Variants in PTPRT observed in about 807,000 individuals in gnomAD.
PTPRT encodes the protein protein tyrosine phosphatase receptor type T, also known as receptor-type tyrosine-protein phosphatase T.
PTPRT carries 56 observed loss-of-function variants against 176.8 expected under a neutral mutation model. The observed-to-expected ratio is 0.32, with a 90% CI of 0.26 to 0.40. The LOEUF (loss-of-function observed/expected upper bound fraction) is 0.40, where lower values mean the gene tolerates loss of function less well. PTPRT is among the 10% of genes least tolerant of loss of function. The pLI is 1.00. For missense variants in PTPRT, 1,540 were observed against 1,908.2 expected (o/e 0.81, Z 3.60); for synonymous variants, 783 against 739.0 (o/e 1.06, Z -0.96).
rs1983851691 is a variant in PTPRT at position 42,085,927 on chromosome 20, GCTTTT to G, written c.3847-79_3847-75del. 7 of 1,439,764 alleles carry G rather than the reference GCTTTT, an allele frequency of 4.9e-6. No homozygotes were observed. The Middle Eastern group carries it at 5.6e-4, about 115-fold the overall frequency. The allele number at this position is 1,439,764 out of a possible 1,614,324, so 89.2% of individuals were successfully genotyped here. On this transcript the variant is annotated intron_variant, in intron 27 of 30. Transcript: ENST00000373187. ...GTATCAAAGTCTCATTTATCAACAA[GCTTTT>G]CTTTTCTTTTTTTCTTTTTCTTTTT...
chr20:42,492,111 C>T (rs2071570442), intron 7 of PTPRT, among the ~76,000 whole-genome samples: 1 of 152,074 alleles, frequency 6.6e-6, no homozygotes, highest in Non-Finnish European at 1.5e-5. Context: ...TAGGTAGTTT[C>T]CAGTTTGGGG....
intron 2 of PTPRT, among the ~76,000 whole-genome samples, chr20:42,792,401 C>T (rs540981050): frequency 6.6e-6 from 1 of 152,288 alleles, no homozygotes; most frequent in African/African-American, 2.4e-5. Context: ...GGGTAAATTT[C>T]AGTTCAGTGT....
chr20:42,279,065 T>C (rs2057096626), intron 13 of PTPRT, among the ~76,000 whole-genome samples: 1 of 152,164 alleles, frequency 6.6e-6, no homozygotes. Flanking sequence ...GGCTTTCTAT[T>C]GTCTTCCTTT....
chr20:42,526,664 A>G (rs1173356544), intron 7 of PTPRT, among the ~76,000 whole-genome samples: 1 of 151,986 alleles, frequency 6.6e-6, no homozygotes, highest in African/African-American at 2.4e-5. Context: ...CCATGATTGT[A>G]TTATAAGTTT....
At chr20:42,762,894 C>T (rs1175154077) in intron 5 of PTPRT, among the ~76,000 whole-genome samples, 18 of 152,182 alleles carry the variant, frequency 1.2e-4, no homozygotes, top group Admixed American at 1.2e-3. Flanking sequence ...AACTGCTTGC[C>T]TTGCTCTTTA....
intron 6 of PTPRT, among the ~76,000 whole-genome samples, chr20:42,697,639 A>G (rs3091742): frequency 0.024 from 3,715 of 152,318 alleles, 180 homozygotes; most frequent in African/African-American, 0.086. Flanking sequence ...TCACTTAATA[A>G]TAAAGCTCGT....
chr20:42,391,666 A>G (rs373118356), intron 9 of PTPRT, among the ~76,000 whole-genome samples: 7 of 152,266 alleles, frequency 4.6e-5, no homozygotes, highest in Admixed American at 2.0e-4. Context: ...GAATGCAACA[A>G]TGATAGAGCT....
At chr20:42,219,842 G>C (rs2055845274) in intron 15 of PTPRT, among the ~76,000 whole-genome samples, 1 of 152,080 alleles carries the variant, frequency 6.6e-6, no homozygotes. Context: ...ACCATTAATT[G>C]GATGGAGCCT....
intron 1 of PTPRT, among the ~76,000 whole-genome samples, chr20:42,953,656 C>A (rs1411749580): frequency 6.6e-6 from 1 of 152,140 alleles, no homozygotes; most frequent in Admixed American, 6.5e-5. Flanking sequence ...CCATCTAAAG[C>A]TGCCCAGCCC....
intron 1 of PTPRT, among the ~76,000 whole-genome samples, chr20:43,061,735 G>A (rs1402194200): frequency 3.3e-5 from 5 of 152,178 alleles, no homozygotes; most frequent in African/African-American, 1.2e-4. Flanking sequence ...TTACAGATCT[G>A]ATCCAACAGA....
At chr20:42,116,797 T>C (rs1987306766) in intron 21 of PTPRT, among the ~76,000 whole-genome samples, 1 of 152,174 alleles carries the variant, frequency 6.6e-6, no homozygotes, top group African/African-American at 2.4e-5. Flanking sequence ...GGCACAGTGT[T>C]TGGCACTAGC....
At chr20:42,244,275 G>C (rs2056409501) in intron 14 of PTPRT, among the ~76,000 whole-genome samples, 2 of 152,160 alleles carry the variant, frequency 1.3e-5, no homozygotes. Context: ...AAGTCACAGA[G>C]AATTGATGTA....
intron 11 of PTPRT, among the ~76,000 whole-genome samples, chr20:42,324,215 C>G (rs751054355): frequency 1.3e-5 from 2 of 152,182 alleles, no homozygotes; most frequent in Admixed American, 6.5e-5. Context: ...CTGCTACAAT[C>G]TGCAGCATGA....
chr20:42,160,203 G>C (rs1989529746), intron 17 of PTPRT, among the ~76,000 whole-genome samples: 1 of 151,830 alleles, frequency 6.6e-6, no homozygotes, highest in Non-Finnish European at 1.5e-5. Context: ...GTACACAGAA[G>C]ATACTCAAAA....
At chr20:42,133,316 A>G (rs1274093698) in intron 18 of PTPRT, among the ~76,000 whole-genome samples, 1 of 152,214 alleles carries the variant, frequency 6.6e-6, no homozygotes, top group African/African-American at 2.4e-5. Context: ...TAAGTGAAGG[A>G]GCATTCATTC....
chr20:42,343,692 T>C (rs1257426989), intron 11 of PTPRT, among the ~76,000 whole-genome samples: 1 of 152,222 alleles, frequency 6.6e-6, no homozygotes, highest in East Asian at 1.9e-4. Context: ...AATGTTGTTT[T>C]GAAGATCACC....
At chr20:42,308,445 T>A (rs1389236863) in intron 12 of PTPRT, among the ~76,000 whole-genome samples, 1 of 151,976 alleles carries the variant, frequency 6.6e-6, no homozygotes, top group Non-Finnish European at 1.5e-5. Flanking sequence ...CCTCCAAAGT[T>A]AGGAAGGTGT....
At chr20:42,126,025 T>TTG (rs1555873714) in intron 19 of PTPRT, among the ~76,000 whole-genome samples, 5 of 41,892 alleles carry the variant, frequency 1.2e-4, no homozygotes, top group African/African-American at 3.3e-4. Flanking sequence ...TGTCTGGGAG[T>TTG]GGGGGGGGGG....
intron 1 of PTPRT, among the ~76,000 whole-genome samples, chr20:43,056,058 T>C (rs1206816427): frequency 1.3e-5 from 2 of 152,164 alleles, no homozygotes; most frequent in African/African-American, 2.4e-5. Flanking sequence ...AAAACTGAAG[T>C]CCACAGAGAG....
Sources: gnomAD v4.1 joint callset for allele counts (sites outside exome capture counted in the v4.1 genomes callset) on GRCh38, gnomAD v4.1.1 for gene constraint, MANE v1.5 for transcripts, NCBI Gene and HGNC (gene_info 2026-07-23, HGNC 2026-07-21) for gene names.